Variants in EML6 observed in about 807,000 individuals in gnomAD.
The protein encoded by EML6 is EMAP like 6, also known as echinoderm microtubule-associated protein-like 6.
EML6 carries 154 observed loss-of-function variants against 240.1 expected under a neutral mutation model. The observed-to-expected ratio is 0.64, with a 90% CI of 0.56 to 0.73. The LOEUF is 0.73. Among genes scored for constraint, EML6 ranks in the 30% least tolerant of loss-of-function variants. The pLI, the probability that EML6 is intolerant of heterozygous loss-of-function variation, is 0.00. For missense variants in EML6, 2,964 were observed against 2,474.6 expected (o/e 1.20, Z -4.20); for synonymous variants, 1,148 against 899.0 (o/e 1.28, Z -4.95).
intron 17 of EML6, among the ~76,000 whole-genome samples, chr2:54,884,715 C>T (rs1262709682): frequency 6.6e-6 from 1 of 152,090 alleles, no homozygotes; most frequent in Non-Finnish European, 1.5e-5. Flanking sequence ...AAAGTTCTCA[C>T]AAAAAAGATT....
At position 54,779,564 on chromosome 2, in the gene EML6, A is replaced by AG. The variant is rs1468869974; in HGVS notation, c.198-33667dup. 1.0e-3 allele frequency among the ~76,000 whole-genome samples: 139 copies of AG among 133,888 alleles called. 1 individual carries two copies. The highest frequency in any genetic ancestry group is 3.6e-3 in the African/African-American group (130 of 35,676). The allele number at this position is 133,888 out of a possible 152,430, so 87.8% of individuals were successfully genotyped here. On this transcript the variant is annotated intron_variant, in intron 2 of 41. Coordinates refer to ENST00000356458, the MANE Select transcript of EML6 (RefSeq NM_001039753.4). Reference sequence around the variant, plus strand: ...TCTGTCTCAAAAAAAAAAAAAAAAAAGAATATAGGAAGGAGGGCCTGGTGT... The same window carrying AG: ...TCTGTCTCAAAAAAAAAAAAAAAAAAGGAATATAGGAAGGAGGGCCTGGTGT...
chr2:54,827,863 A>C (rs545938937), intron 6 of EML6, 112 bp downstream of exon 6: 19 of 687,846 alleles, frequency 2.8e-5, no homozygotes, highest in Non-Finnish European at 4.2e-5. Context: ...CCTGCTGAAC[A>C]CTCCCTACTC....
intron 2 of EML6, among the ~76,000 whole-genome samples, chr2:54,786,773 C>G (rs898264523): frequency 6.6e-6 from 1 of 152,244 alleles, no homozygotes; most frequent in East Asian, 1.9e-4. Context: ...CAGCTGGTCT[C>G]TAAAGCCCAG....
At chr2:54,912,968 C>A (rs905054289) in intron 25 of EML6, among the ~76,000 whole-genome samples, 2 of 151,248 alleles carry the variant, frequency 1.3e-5, no homozygotes, top group African/African-American at 4.9e-5. Flanking sequence ...TTTTTAAGTT[C>A]TTTGAGAAAT....
intron 24 of EML6, among the ~76,000 whole-genome samples, chr2:54,906,670 T>G (rs2104251564): frequency 6.6e-6 from 1 of 152,256 alleles, no homozygotes; most frequent in East Asian, 1.9e-4. Context: ...CTTCTGATTT[T>G]TAGGGAGGAA....
chr2:54,841,629 G>A (rs540213949), intron 7 of EML6, among the ~76,000 whole-genome samples: 38 of 128,830 alleles, frequency 2.9e-4, no homozygotes, highest in African/African-American at 3.4e-4. Flanking sequence ...TTGCTCTGTC[G>A]CCCAGGCTGG....
intron 2 of EML6, among the ~76,000 whole-genome samples, chr2:54,742,626 G>A (rs1417054436): frequency 6.6e-6 from 1 of 152,120 alleles, no homozygotes; most frequent in African/African-American, 2.4e-5. Context: ...TTTATGTGGT[G>A]GAAAAAGCTA....
chr2:54,749,117 A>T (rs930369608), intron 2 of EML6, among the ~76,000 whole-genome samples: 4 of 152,244 alleles, frequency 2.6e-5, no homozygotes, highest in Non-Finnish European at 1.5e-5. Flanking sequence ...ACCAATGGAC[A>T]TGTAGGAAAA....
chr2:54,968,394 A>G (rs1424048912), intron 40 of EML6, 113 bp downstream of exon 40: 1 of 1,041,400 alleles, frequency 9.6e-7, no homozygotes, highest in African/African-American at 1.6e-5. Context: ...CTGTCCCGGT[A>G]CAGTGGAAAT....
chr2:54,927,826 G>A (rs781529336), intron 26 of EML6, among the ~76,000 whole-genome samples: 5 of 152,210 alleles, frequency 3.3e-5, no homozygotes, highest in Non-Finnish European at 5.9e-5. Flanking sequence ...GGCAGAAACC[G>A]TTGTGTTCAT....
chr2:54,821,211 G>T (rs1402360475), intron 5 of EML6, among the ~76,000 whole-genome samples: 1 of 152,166 alleles, frequency 6.6e-6, no homozygotes, highest in Non-Finnish European at 1.5e-5. Context: ...CTGTATGAAT[G>T]AAGATTTTCC....
intron 38 of EML6, among the ~76,000 whole-genome samples, chr2:54,966,034 T>G (rs796449455): frequency 5.3e-5 from 8 of 152,360 alleles, no homozygotes; most frequent in African/African-American, 1.9e-4. Context: ...CCAGTTAAGT[T>G]AGATCTCTTT....
At chr2:54,853,545 G>A (rs1432022624) in intron 10 of EML6, 98 bp from the exon 11 acceptor site, 2 of 802,002 alleles carry the variant, frequency 2.5e-6, no homozygotes, top group Non-Finnish European at 3.7e-6. Flanking sequence ...GTAGTTTTCT[G>A]TATTTACAAA....
chr2:54,879,418 C>A, intron 16 of EML6, 129 bp from the exon 17 acceptor site: 2 of 651,452 alleles, frequency 3.1e-6, no homozygotes, highest in Non-Finnish European at 5.5e-6. Flanking sequence ...CAAGTCAGGG[C>A]AGCTATCACA....
At chr2:54,881,500 T>TA (rs552746041) in intron 17 of EML6, 17 of 151,522 alleles carry the variant, frequency 1.1e-4, no homozygotes, top group African/African-American at 3.9e-4. Flanking sequence ...ACTAAAAATA[T>TA]AAAAATTAGC....
intron 16 of EML6, 72 bp downstream of exon 16, chr2:54,871,677 G>T: frequency 9.3e-7 from 1 of 1,078,938 alleles, no homozygotes; most frequent in Non-Finnish European, 1.4e-6. Flanking sequence ...TATGCCCCGC[G>T]CATGCGCGCA....
intron 2 of EML6, among the ~76,000 whole-genome samples, chr2:54,782,601 G>A (rs1035686852): frequency 1.3e-5 from 2 of 151,086 alleles, no homozygotes; most frequent in Admixed American, 6.6e-5. Flanking sequence ...TTTTTGTAAC[G>A]AGTATCATGA....
At chr2:54,736,517 G>A (rs1254811066) in intron 2 of EML6, among the ~76,000 whole-genome samples, 1 of 152,154 alleles carries the variant, frequency 6.6e-6, no homozygotes, top group African/African-American at 2.4e-5. Flanking sequence ...AAGTCATGAG[G>A]TTCTTAGTTG....
At chr2:54,968,789 G>A (rs750674975) in intron 41 of EML6, 21 bp downstream of exon 41, 2 of 1,345,586 alleles carry the variant, frequency 1.5e-6, no homozygotes, top group East Asian at 5.0e-5. Context: ...AGCTGACCCA[G>A]TTCTTACTCC....
Sources: gnomAD v4.1 joint callset for allele counts (sites outside exome capture counted in the v4.1 genomes callset) on GRCh38, gnomAD v4.1.1 for gene constraint, MANE v1.5 for transcripts, NCBI Gene and HGNC (gene_info 2026-07-23, HGNC 2026-07-21) for gene names.